PDZRN3: variants seen among roughly 807,000 people sequenced by gnomAD.
The protein encoded by PDZRN3 is PDZ domain containing ring finger 3.
In PDZRN3, 38 loss-of-function variants were observed where a neutral mutation model predicts 85.7. The observed-to-expected ratio is 0.44, with a 90% CI of 0.34 to 0.58. The LOEUF (loss-of-function observed/expected upper bound fraction) is 0.58, where lower values mean the gene tolerates loss of function less well. Among genes scored for constraint, PDZRN3 ranks in the 20% least tolerant of loss-of-function variants. PDZRN3 has a pLI of 0.01. For synonymous variants in PDZRN3, 759 were observed against 638.0 expected, an observed-to-expected ratio of 1.19 and a Z score of -2.86; for missense variants, 1,629 against 1,506.4, an observed-to-expected ratio of 1.08 and a Z score of -1.35.
intron 3 of PDZRN3, among the ~76,000 whole-genome samples, chr3:73,495,290 T>C (rs1445678070): frequency 1.7e-5 from 1 of 58,220 alleles, no homozygotes; most frequent in Non-Finnish European, 3.8e-5. Context: ...GAAACAAATA[T>C]ATTTTGCTTG....
chr3:73,458,606 C>T lies in PDZRN3; in HGVS notation c.919-54211G>A, dbSNP rs76634721. Among the ~76,000 whole-genome samples, 479 of 149,374 alleles carry T rather than the reference C, an allele frequency of 3.2e-3. 1 individual carries two copies. Among genetic ancestry groups the T allele is most frequent in the African/African-American group, 0.011 (462 of 40,374 alleles). On this transcript the variant is annotated intron_variant, in intron 3 of 9. Transcript: ENST00000263666. The stretch of plus-strand genomic sequence containing the variant: ...CTGCATGATCTCTTAGATCTCAAAG[C>T]TTGCATTTTGAGCATCTCATACATT...
chr3:73,388,083 AGGGGGGGT>A lies in PDZRN3; in HGVS notation c.1417-22_1417-15del. On this transcript the variant is annotated splice_polypyrimidine_tract_variant and intron_variant, in intron 7 of 9. Coordinates refer to ENST00000263666, the MANE Select transcript of PDZRN3 (RefSeq NM_015009.3). The stretch of plus-strand genomic sequence containing the variant: ...TATCCCATTAATCTTTTAAAAAAAA[AGGGGGGGT>A]GGGGAGAGTGGGGAGACAAATAGCA... 2.2e-6 allele frequency: 2 copies of A among 908,172 alleles called. No homozygotes were observed. The highest frequency in any genetic ancestry group is 3.4e-6 in the Non-Finnish European group (2 of 588,932). 56.3% of individuals were successfully genotyped at this position (908,172 alleles called of 1,614,324 possible).
chr3:73,385,972 C>T (rs1701373661), intron 8 of PDZRN3, among the ~76,000 whole-genome samples, 187 bp from the exon 9 acceptor site: 1 of 151,968 alleles, frequency 6.6e-6, no homozygotes, highest in Admixed American at 6.6e-5. Flanking sequence ...TTAAACAGAC[C>T]TCCAACCCTA....
chr3:73,623,904 A>C (rs374220482), intron 1 of PDZRN3, 199 bp downstream of exon 1: 3 of 488,042 alleles, frequency 6.1e-6, no homozygotes, highest in African/African-American at 6.1e-5. Flanking sequence ...CGTCTAGACT[A>C]TAAAGGACCA....
chr3:73,401,027 ATCTTT>A lies in PDZRN3; in HGVS notation c.1167-23_1167-19del. On this transcript the variant is annotated intron_variant, in intron 4 of 9. Transcript: ENST00000263666. ...AGGGATGCCTGAAAAGAGATGCAAC[ATCTTT>A]ACAGCCCTTCTTCCGTTGTCAGTAT... The A allele has an allele frequency of 6.5e-7, 1 of 1,536,966 alleles. No homozygotes were observed. Among genetic ancestry groups the A allele is most frequent in the Non-Finnish European group, 9.0e-7 (1 of 1,109,752 alleles).
chr3:73,435,184 T>C (rs763348973), intron 3 of PDZRN3, among the ~76,000 whole-genome samples: 4 of 152,168 alleles, frequency 2.6e-5, no homozygotes, highest in Admixed American at 6.5e-5. Flanking sequence ...AAATCCCACT[T>C]GGGCTGATGG....
intron 3 of PDZRN3, among the ~76,000 whole-genome samples, chr3:73,590,243 T>G (rs746107039): frequency 4.1e-4 from 48 of 117,346 alleles, no homozygotes; most frequent in Non-Finnish European, 7.3e-4. Context: ...CACTCCAGCC[T>G]GGGTGACAAA....
intron 8 of PDZRN3, among the ~76,000 whole-genome samples, chr3:73,386,169 T>C (rs942143421): frequency 2.0e-5 from 3 of 151,394 alleles, no homozygotes; most frequent in Non-Finnish European, 1.5e-5. Flanking sequence ...TGATTTTCAG[T>C]GTGAAAAGAG....
At chr3:73,566,254 A>G (rs1575741520) in intron 3 of PDZRN3, among the ~76,000 whole-genome samples, 1 of 152,240 alleles carries the variant, frequency 6.6e-6, no homozygotes, top group East Asian at 1.9e-4. Context: ...TAGTACGAGG[A>G]TTGCAGAAAA....
intron 3 of PDZRN3, among the ~76,000 whole-genome samples, chr3:73,407,437 T>C (rs2106737040): frequency 6.6e-6 from 1 of 152,358 alleles, no homozygotes; most frequent in African/African-American, 2.4e-5. Flanking sequence ...TCTTGTTATA[T>C]TCAATAATAC....
chr3:73,503,456 G>A (rs1046659668), intron 3 of PDZRN3, among the ~76,000 whole-genome samples: 1 of 151,954 alleles, frequency 6.6e-6, no homozygotes, highest in African/African-American at 2.4e-5. Flanking sequence ...TAAATACCAG[G>A]CTTCAAAAAA....
chr3:73,533,055 A>G (rs1375167731), intron 3 of PDZRN3, among the ~76,000 whole-genome samples: 1 of 152,252 alleles, frequency 6.6e-6, no homozygotes, highest in East Asian at 1.9e-4. Flanking sequence ...CTTTACGTCC[A>G]TAGGTTTCAT....
chr3:73,586,037 G>A (rs1702272004), intron 3 of PDZRN3, among the ~76,000 whole-genome samples: 5 of 152,160 alleles, frequency 3.3e-5, no homozygotes, highest in Non-Finnish European at 7.4e-5. Flanking sequence ...ATTCATAAAT[G>A]CAGATTTTTA....
At position 73,402,941 on chromosome 3, in the gene PDZRN3, C is replaced by CTTTTTTT. The variant is rs140037400; in HGVS notation, c.1166+1200_1166+1206dup. Among the ~76,000 whole-genome samples the CTTTTTTT allele has an allele frequency of 2.1e-3, 244 of 115,632 alleles. 16 individuals carry two copies. Among genetic ancestry groups the CTTTTTTT allele is most frequent in the African/African-American group, 8.7e-3 (232 of 26,736 alleles). The allele number at this position is 115,632 out of a possible 152,430, so 75.9% of individuals were successfully genotyped here. A position where few individuals can be genotyped will look rare whatever the true frequency, so the allele number is the denominator to read the frequency against. On this transcript the variant is annotated intron_variant, in intron 4 of 9. Transcript: ENST00000263666. Reference sequence around the variant, plus strand: ...GATGTGCAAAGTCACACATGAAAAGCTTTTTTTTTTTTTTTTTTTTGAGAC... The same window carrying CTTTTTTT: ...GATGTGCAAAGTCACACATGAAAAGCTTTTTTTTTTTTTTTTTTTTTTTTTTTGAGAC...
intron 3 of PDZRN3, among the ~76,000 whole-genome samples, chr3:73,421,076 T>G (rs1450018179): frequency 6.6e-6 from 1 of 152,236 alleles, no homozygotes; most frequent in Non-Finnish European, 1.5e-5. Flanking sequence ...TTTGGAACTT[T>G]GTGGAATTAT....
chr3:73,475,080 T>C (rs1438074428), intron 3 of PDZRN3, among the ~76,000 whole-genome samples: 1 of 152,036 alleles, frequency 6.6e-6, no homozygotes, highest in Non-Finnish European at 1.5e-5. Context: ...CATCTTCTTT[T>C]TGAAAAACAG....
intron 3 of PDZRN3, among the ~76,000 whole-genome samples, chr3:73,441,348 G>A (rs1000912726): frequency 3.9e-4 from 53 of 136,782 alleles, no homozygotes; most frequent in African/African-American, 1.4e-3. Flanking sequence ...GGGAGGCGGA[G>A]GTTGCTGTGA....
chr3:73,429,835 G>A (rs1174626483), intron 3 of PDZRN3, among the ~76,000 whole-genome samples: 2 of 152,138 alleles, frequency 1.3e-5, no homozygotes, highest in South Asian at 4.1e-4. Context: ...TGGGAACTCT[G>A]TGTTACTCCG....
chr3:73,613,725 A>G (rs1360354213), intron 1 of PDZRN3, among the ~76,000 whole-genome samples: 1 of 152,090 alleles, frequency 6.6e-6, no homozygotes, highest in Non-Finnish European at 1.5e-5. Flanking sequence ...GGAGTTCTCA[A>G]CAGAACCTGG....
Sources: allele counts gnomAD v4.1 joint callset (sites outside exome capture counted in the v4.1 genomes callset), GRCh38; gene constraint gnomAD v4.1.1; transcripts MANE v1.5; gene names NCBI Gene and HGNC (gene_info 2026-07-23, HGNC 2026-07-21).